Variants in NCAPD3 observed in about 807,000 individuals in gnomAD.
NCAPD3 encodes the protein non-SMC condensin II complex subunit D3, also known as condensin-2 complex subunit D3.
In NCAPD3, 105 loss-of-function variants were observed where a neutral mutation model predicts 182.9. The ratio of observed to expected loss-of-function variants is 0.57; its 90% CI spans 0.49 to 0.68. NCAPD3 has a LOEUF of 0.68. NCAPD3 is among the 30% of genes least tolerant of loss of function. The pLI, the probability that NCAPD3 is intolerant of heterozygous loss-of-function variation, is 0.00. For synonymous variants in NCAPD3, 815 were observed against 679.9 expected, an observed-to-expected ratio of 1.20 and a Z score of -3.09; for missense variants, 1,944 against 1,837.0, an observed-to-expected ratio of 1.06 and a Z score of -1.07.
chr11:134,189,374 G>C (rs1023035581), intron 16 of NCAPD3, among the ~76,000 whole-genome samples: 1 of 151,844 alleles, frequency 6.6e-6, no homozygotes, highest in Non-Finnish European at 1.5e-5. Context: ...TGAACCTTTA[G>C]CTCATCAGTT....
intron 24 of NCAPD3, among the ~76,000 whole-genome samples, chr11:134,172,084 G>T (rs1342960816): frequency 6.6e-6 from 1 of 152,200 alleles, no homozygotes; most frequent in Non-Finnish European, 1.5e-5. Flanking sequence ...GAAGACAGCT[G>T]GAAGTGGGTC....
intron 22 of NCAPD3, chr11:134,177,902 T>TCTTTCTTTCTTTCTTTCTTC (rs1269419377): frequency 1.9e-5 from 3 of 154,378 alleles, no homozygotes; most frequent in Non-Finnish European, 4.3e-5. Context: ...TTTCTTTCTT[T>TCTTTCTTTCTTTCTTTCTTC]CTTTCTTGTT....
At chr11:134,187,183 C>T (rs543461578) in intron 16 of NCAPD3, among the ~76,000 whole-genome samples, 37 of 152,178 alleles carry the variant, frequency 2.4e-4, no homozygotes, top group Non-Finnish European at 4.3e-4. Context: ...CCAAAACCAA[C>T]GGCCATGCTT....
At chr11:134,157,857 TAAG>T (rs762944315) in intron 31 of NCAPD3, 68 bp downstream of exon 31, 1 of 1,471,978 alleles carries the variant, frequency 6.8e-7, no homozygotes, top group South Asian at 1.3e-5. Context: ...TTGAAAGGAA[TAAG>T]AAGTAGCTTG....
At chr11:134,173,499 C>G (rs1944071402) in intron 24 of NCAPD3, 1 of 153,746 alleles carries the variant, frequency 6.5e-6, no homozygotes, top group African/African-American at 2.4e-5. Context: ...AGCTACTGAG[C>G]TGCTGGAGGA....
chr11:134,158,471 G>C lies in NCAPD3; in HGVS notation c.3892C>G (p.Pro1298Ala). ...AQVALCLETVPVPAGQENPAM... is the reference protein window; with the variant it reads ...AQVALCLETVAVPAGQENPAM... ...GGGTTTTCTTGGCCAGCAGGAACTG[G>C]CACTGTTTCTAAACACAGGGCAACC... Residue 1298 changes from proline (P) to alanine (A), a missense_variant, in exon 30 of 35, where the codon CCA becomes GCA. This residue lies in a region of NCAPD3 where 1,803 missense variants were observed against 1,674.6 expected (regional missense o/e 1.08). Transcript: ENST00000534548. 1 of 1,613,962 alleles carries C rather than the reference G, an allele frequency of 6.2e-7. No homozygotes were observed. The highest frequency in any genetic ancestry group is 8.5e-7 in the Non-Finnish European group (1 of 1,180,004).
intron 2 of NCAPD3, among the ~76,000 whole-genome samples, chr11:134,217,994 A>T (rs1435766122): frequency 6.8e-6 from 1 of 147,998 alleles, no homozygotes; most frequent in African/African-American, 2.5e-5. Context: ...GCTACTCAGG[A>T]GGGTGAGGTG....
At chr11:134,170,943 A>G (rs1199850188) in intron 24 of NCAPD3, among the ~76,000 whole-genome samples, 1 of 152,190 alleles carries the variant, frequency 6.6e-6, no homozygotes, top group East Asian at 1.9e-4. Flanking sequence ...AGATGCACAA[A>G]TCCTGCAAGC....
intron 20 of NCAPD3, among the ~76,000 whole-genome samples, 188 bp downstream of exon 20, chr11:134,180,889 A>G (rs1042636765): frequency 2.0e-5 from 3 of 152,210 alleles, no homozygotes; most frequent in Non-Finnish European, 4.4e-5. Flanking sequence ...CCACCGATAA[A>G]AAGTATATAA....
At position 134,204,095 on chromosome 11, in the gene NCAPD3, T is replaced by TC; in HGVS notation, c.1165dup (p.Glu389GlyfsTer26). 6.2e-7 allele frequency: 1 copy of TC among 1,614,048 alleles called. No individual in the cohort carries two copies. The highest frequency in any genetic ancestry group is 8.5e-7 in the Non-Finnish European group (1 of 1,179,986). ...AAGCCAGGCAATGAACATAGCGTAT[T>TC]CCCCACAAGGAAGTTTACTGAGCAG... is the stretch of plus-strand genomic sequence containing the variant. On this transcript the variant is annotated frameshift_variant, in exon 10 of 35. Transcript: ENST00000534548. LOFTEE classifies it high-confidence loss of function. This position sits in a 1 kb window ranked among gnomAD's most constrained non-coding sequence, Gnocchi z 4.3.
At chr11:134,215,738 C>G (rs1937993853) in intron 3 of NCAPD3, among the ~76,000 whole-genome samples, 1 of 152,168 alleles carries the variant, frequency 6.6e-6, no homozygotes, top group Non-Finnish European at 1.5e-5. Context: ...TCTACAGTTT[C>G]AATGCAATCC....
rs1305516506 is a variant in NCAPD3, at chr11:134,158,243, C to T, written c.4034+86G>A. The T allele has an allele frequency of 7.7e-5, 120 of 1,564,038 alleles. 2 individuals carry two copies. The Middle Eastern group carries it at 1.1e-3, about 15-fold the overall frequency. The stretch of plus-strand genomic sequence containing the variant: ...AGGCCAGACAATGACAATGACTTTC[C>T]TGCCCACGCTTGGGAATGGCAGGGA... On this transcript the variant is annotated intron_variant, in intron 30 of 34. Transcript: ENST00000534548.
At chr11:134,171,358 C>T (rs1299540304) in intron 24 of NCAPD3, among the ~76,000 whole-genome samples, 2 of 152,174 alleles carry the variant, frequency 1.3e-5, no homozygotes, top group Non-Finnish European at 2.9e-5. Context: ...GATATTCAAA[C>T]AGCCCAAAAG....
At position 134,151,841 on chromosome 11, in the gene NCAPD3, T is replaced by C. The variant is rs1264770316; in HGVS notation, c.*1103A>G. ...AGTGGTTAGGCATGCACACTAAAAA[T>C]GCTATCAATCACCCATCCACCAGGG... On this transcript the variant is annotated 3_prime_UTR_variant, in exon 35 of 35. Transcript: ENST00000534548. 1 of 134,278 alleles carries C rather than the reference T, an allele frequency of 7.4e-6. No individual in the cohort carries two copies. Among genetic ancestry groups the C allele is most frequent in the African/African-American group, 2.5e-5 (1 of 40,292 alleles). 8.3% of individuals were successfully genotyped at this position (134,278 alleles called of 1,614,324 possible).
intron 32 of NCAPD3, among the ~76,000 whole-genome samples, chr11:134,155,890 G>T (rs1215301285): frequency 1.3e-5 from 2 of 152,138 alleles, no homozygotes; most frequent in African/African-American, 2.4e-5. Context: ...TCCCTTCAAA[G>T]GGGGACCTGG....
rs967722416 is a variant in NCAPD3, at chr11:134,157,128, A to G, written c.4175-33T>C. On this transcript the variant is annotated intron_variant, in intron 31 of 34. Transcript: ENST00000534548. ...AGAAAAGGTGCTGCTATCCAGAAATACCCCCAAACAATAACGAAGAGCAAA... is the reference window on the plus strand; with the variant it reads ...AGAAAAGGTGCTGCTATCCAGAAATGCCCCCAAACAATAACGAAGAGCAAA... The G allele has an allele frequency of 2.2e-5, 34 of 1,541,340 alleles. 1 individual carries two copies. In the South Asian group the frequency reaches 3.8e-4, roughly 17 times the overall value.
chr11:134,202,721 G>GAAAAA, intron 13 of NCAPD3, 95 bp downstream of exon 13: 2 of 765,866 alleles, frequency 2.6e-6, no homozygotes, highest in Non-Finnish European at 3.9e-6. Context: ...GAATAAATCA[G>GAAAAA]AAAAAAAAAA....
Position 134,153,549 on chromosome 11 carries a change from GTC to G in NCAPD3, c.4253-188_4253-187del. On this transcript the variant is annotated intron_variant, in intron 32 of 34. Coordinates refer to ENST00000534548, the MANE Select transcript of NCAPD3 (RefSeq NM_015261.3). ...GCCCCTCCTGGGGATGCTCCTTTCC[GTC>G]TCTCTGACCCCCTTCTCTGACCCGC... The G allele has an allele frequency of 9.4e-6, 6 of 640,752 alleles. No individual in the cohort carries two copies. The South Asian group carries it at 1.1e-4, about 12-fold the overall frequency. 39.7% of individuals were successfully genotyped at this position (640,752 alleles called of 1,614,324 possible). A position where few individuals can be genotyped will look rare whatever the true frequency, so the allele number is the denominator to read the frequency against.
At chr11:134,192,611 G>A in intron 16 of NCAPD3, 78 bp downstream of exon 16, 1 of 1,277,160 alleles carries the variant, frequency 7.8e-7, no homozygotes, top group Non-Finnish European at 1.1e-6. Context: ...ATTTTTCGAG[G>A]ACCAATAGGA....
Sources: gnomAD v4.1 joint callset for allele counts (sites outside exome capture counted in the v4.1 genomes callset) on GRCh38, gnomAD v4.1.1 for gene constraint, gnomAD v4.1.1 regional missense constraint, Gnocchi (gnomAD v3.1) non-coding constraint, MANE v1.5 for transcripts, NCBI Gene and HGNC (gene_info 2026-07-23, HGNC 2026-07-21) for gene names.